The following FAM180A variants were observed in gnomAD, a reference collection of about 807,000 sequenced individuals.
FAM180A encodes protein FAM180A.
A neutral mutation model predicts 15.3 loss-of-function variants in FAM180A; 14 were observed. That is an observed-to-expected ratio of 0.92 (90% CI 0.61 to 1.43). The LOEUF (loss-of-function observed/expected upper bound fraction) is 1.43, where lower values mean the gene tolerates loss of function less well. Among genes scored for constraint, FAM180A ranks in the 40% most tolerant of loss-of-function variants. The pLI is 0.00. For synonymous variants in FAM180A, 90 were observed against 96.8 expected (o/e 0.93, Z 0.41); for missense variants, 200 against 220.8 (o/e 0.91, Z 0.60).
chr7:135,743,669 C>A (rs1316148811), intron 1 of FAM180A, among the ~76,000 whole-genome samples: 3 of 152,118 alleles, frequency 2.0e-5, no homozygotes, highest in African/African-American at 7.2e-5. Context: ...TAGCCTCTGT[C>A]CTTACTTTAT....
chr7:135,737,669 G>A (rs1796892470), intron 1 of FAM180A, among the ~76,000 whole-genome samples: 1 of 151,004 alleles, frequency 6.6e-6, no homozygotes, highest in Non-Finnish European at 1.5e-5. Context: ...GGAGAGAGGT[G>A]ACATACTCCC....
At chr7:135,738,188 A>T (rs1796897946) in intron 1 of FAM180A, among the ~76,000 whole-genome samples, 1 of 151,914 alleles carries the variant, frequency 6.6e-6, no homozygotes, top group Non-Finnish European at 1.5e-5. Flanking sequence ...GGGCTGCCTG[A>T]TTTTTGTTTG....
At chr7:135,730,676 C>A (rs1796768204) in intron 3 of FAM180A, among the ~76,000 whole-genome samples, 1 of 152,168 alleles carries the variant, frequency 6.6e-6, no homozygotes, top group Admixed American at 6.5e-5. Context: ...CCAAATGTGA[C>A]CCCTTCGTGA....
rs1018718767 is a variant in FAM180A at position 135,733,974 on chromosome 7, C to G, written c.*1G>C. On this transcript the variant is annotated 3_prime_UTR_variant, in exon 3 of 4. Coordinates refer to ENST00000338588, the MANE Select transcript of FAM180A (RefSeq NM_205855.4). ...CTGAGGTCCTGGTGTGGGCCAGTCT[C>G]TCAGGGAGGTACTCCCGGCTGTGAG... is the stretch of plus-strand genomic sequence containing the variant. 3 of 1,592,694 alleles carry G rather than the reference C, an allele frequency of 1.9e-6. No individual in the cohort carries two copies. Among genetic ancestry groups the G allele is most frequent in the South Asian group, 2.3e-5 (2 of 86,732 alleles).
intron 2 of FAM180A, 57 bp downstream of exon 2, chr7:135,737,042 A>C: frequency 1.0e-5 from 14 of 1,381,796 alleles, no homozygotes; most frequent in East Asian, 2.3e-5. Context: ...CAAAAAAGAT[A>C]GAGAAAGTGC....
intron 1 of FAM180A, among the ~76,000 whole-genome samples, chr7:135,742,082 A>T (rs1414244247): frequency 6.6e-6 from 1 of 152,060 alleles, no homozygotes; most frequent in Non-Finnish European, 1.5e-5. Context: ...GACCTTGTGC[A>T]TTGGGCAGGG....
chr7:135,743,328 C>T (rs1338858106), intron 1 of FAM180A, among the ~76,000 whole-genome samples: 1 of 151,314 alleles, frequency 6.6e-6, no homozygotes, highest in East Asian at 1.9e-4. Flanking sequence ...CCTCAGCCTC[C>T]TGAGTAGTTG....
chr7:135,740,958 A>C lies in FAM180A; in HGVS notation c.77-3759T>G, dbSNP rs1165459183. 1.6e-3 allele frequency among the ~76,000 whole-genome samples: 34 copies of C among 21,718 alleles called. 1 individual carries two copies. In the Admixed American group the frequency reaches 0.021, roughly 13 times the overall value. The allele number at this position is 21,718 out of a possible 152,430, so 14.2% of individuals were successfully genotyped here. A position where few individuals can be genotyped will look rare whatever the true frequency, so the allele number is the denominator to read the frequency against. ...AAAGGTATTATTCCCTTAAAAAAAA[A>C]CAAAACAAAACAAAACAAAAAAAAA... is the stretch of plus-strand genomic sequence containing the variant. On this transcript the variant is annotated intron_variant, in intron 1 of 3. Transcript: ENST00000338588.
At chr7:135,745,681 A>C (rs1797022446) in intron 1 of FAM180A, among the ~76,000 whole-genome samples, 1 of 151,766 alleles carries the variant, frequency 6.6e-6, no homozygotes, top group Non-Finnish European at 1.5e-5. Flanking sequence ...GGAAAAAGAC[A>C]GTGCTAACAA....
intron 1 of FAM180A, among the ~76,000 whole-genome samples, chr7:135,747,478 G>C (rs753865140): frequency 3.9e-5 from 6 of 152,042 alleles, no homozygotes; most frequent in South Asian, 2.1e-4. Flanking sequence ...TTAACCATGA[G>C]GAAATAAAAC....
rs73723905 is a variant in FAM180A at position 135,746,166 on chromosome 7, T to C, written c.76+2339A>G. ...CTCGGTTTGGCTGGCTTTGAGTCAGTGGATTGTGAACTCACTGTGGAAAGA... is the reference window on the plus strand; with the variant it reads ...CTCGGTTTGGCTGGCTTTGAGTCAGCGGATTGTGAACTCACTGTGGAAAGA... On this transcript the variant is annotated intron_variant, in intron 1 of 3. Coordinates refer to ENST00000338588, the MANE Select transcript of FAM180A (RefSeq NM_205855.4). 3.9e-3 allele frequency among the ~76,000 whole-genome samples: 598 copies of C among 152,186 alleles called. 3 individuals are homozygous for C. The highest frequency in any genetic ancestry group is 0.014 in the African/African-American group (569 of 41,522).
chr7:135,732,563 C>G (rs527319293), intron 3 of FAM180A, among the ~76,000 whole-genome samples: 1 of 151,950 alleles, frequency 6.6e-6, no homozygotes, highest in South Asian at 2.1e-4. Flanking sequence ...TGTGGTGGTG[C>G]GCGCCTATAG....
intron 1 of FAM180A, among the ~76,000 whole-genome samples, chr7:135,743,306 G>A (rs938266228): frequency 1.3e-5 from 2 of 150,342 alleles, no homozygotes; most frequent in Admixed American, 1.3e-4. Flanking sequence ...CCAGGTTCAA[G>A]CGATTCTTGT....
chr7:135,732,741 A>AC (rs1563177930), intron 3 of FAM180A, among the ~76,000 whole-genome samples: 11 of 145,636 alleles, frequency 7.6e-5, no homozygotes, highest in Non-Finnish European at 1.5e-4. Context: ...ACACACACAC[A>AC]AGAATGTTTG....
chr7:135,739,396 G>C (rs972267657), intron 1 of FAM180A, among the ~76,000 whole-genome samples: 2 of 151,446 alleles, frequency 1.3e-5, no homozygotes, highest in African/African-American at 2.4e-5. Flanking sequence ...GGATCACGAG[G>C]TCAGGAGATC....
intron 2 of FAM180A, 79 bp downstream of exon 2, chr7:135,737,020 C>T (rs1796881347): frequency 1.7e-6 from 2 of 1,185,500 alleles, no homozygotes; most frequent in Non-Finnish European, 2.5e-6. Flanking sequence ...TGAGGGGTCA[C>T]TTCTCCTTTT....
chr7:135,734,451 T>C (rs1796842609), intron 2 of FAM180A, 132 bp from the exon 3 acceptor site: 4 of 807,280 alleles, frequency 5.0e-6, no homozygotes, highest in Non-Finnish European at 7.5e-6. Flanking sequence ...GTTCCAGTTC[T>C]GACTTTCTCA....
chr7:135,744,132 G>A (rs772059337), intron 1 of FAM180A, among the ~76,000 whole-genome samples: 10 of 152,132 alleles, frequency 6.6e-5, no homozygotes, highest in Non-Finnish European at 4.4e-5. Flanking sequence ...AACAGCCAGA[G>A]GCACTCCAAT....
chr7:135,733,343 ATTTATT>A (rs939465844), intron 3 of FAM180A, among the ~76,000 whole-genome samples: 2 of 151,822 alleles, frequency 1.3e-5, no homozygotes, highest in African/African-American at 2.4e-5. Flanking sequence ...TCTTTTTTAA[ATTTATT>A]TTTATTTTTA....
Sources: gnomAD v4.1 joint callset for allele counts (sites outside exome capture counted in the v4.1 genomes callset) on GRCh38, gnomAD v4.1.1 for gene constraint, MANE v1.5 for transcripts, NCBI Gene and HGNC (gene_info 2026-07-23, HGNC 2026-07-21) for gene names.